Variants in TRHDE observed in about 807,000 individuals in gnomAD.
TRHDE encodes the protein thyrotropin releasing hormone degrading enzyme.
A neutral mutation model predicts 125.7 loss-of-function variants in TRHDE; 72 were observed. The ratio of observed to expected loss-of-function variants is 0.57; its 90% CI spans 0.47 to 0.70. The LOEUF is 0.70. Among genes scored for constraint, TRHDE ranks in the 30% least tolerant of loss-of-function variants. The pLI is 0.00. For synonymous variants in TRHDE, 509 were observed against 509.1 expected (o/e 1.00, Z 0.00); for missense variants, 1,110 against 1,327.1 (o/e 0.84, Z 2.54).
intron 3 of TRHDE, among the ~76,000 whole-genome samples, chr12:72,439,281 A>T (rs1874888319): frequency 1.3e-5 from 2 of 151,638 alleles, no homozygotes; most frequent in South Asian, 4.1e-4. Flanking sequence ...TTGGCTATTC[A>T]GGGTCTTTTT....
At chr12:72,383,148 A>G (rs1300913607) in intron 3 of TRHDE, among the ~76,000 whole-genome samples, 1 of 152,208 alleles carries the variant, frequency 6.6e-6, no homozygotes, top group African/African-American at 2.4e-5. Context: ...TAAGAGGTGT[A>G]GCACCTACTT....
At chr12:72,643,687 G>C (rs1354389091) in intron 15 of TRHDE, among the ~76,000 whole-genome samples, 6 of 152,044 alleles carry the variant, frequency 3.9e-5, no homozygotes, top group African/African-American at 1.4e-4. Context: ...CATATGACCA[G>C]CTTGCCATAC....
chr12:72,525,691 A>G (rs1033985004), intron 6 of TRHDE, among the ~76,000 whole-genome samples: 1 of 150,302 alleles, frequency 6.7e-6, no homozygotes, highest in African/African-American at 2.5e-5. Context: ...ACTTCTTTTC[A>G]GTATCAGTGA....
At chr12:72,130,928 C>T (rs752075475) in intron 2 of TRHDE, among the ~76,000 whole-genome samples, 1 of 152,110 alleles carries the variant, frequency 6.6e-6, no homozygotes, top group African/African-American at 2.4e-5. Context: ...AAACTGGAGA[C>T]ACCATTTTAT....
In TRHDE at chr12:72,273,577, C is replaced by T; in HGVS notation, c.914+20C>T. The T allele has an allele frequency of 6.4e-7, 1 of 1,559,970 alleles. No homozygotes were observed. The highest frequency in any genetic ancestry group is 8.7e-7 in the Non-Finnish European group (1 of 1,153,746). On this transcript the variant is annotated intron_variant, in intron 1 of 18. Coordinates refer to ENST00000261180, the MANE Select transcript of TRHDE (RefSeq NM_013381.3). The surrounding 1 kb of genome is among the most constrained non-coding windows in gnomAD (Gnocchi z 5.3). ...GAGAAGGTATGGAGGGAGGCGGTGC[C>T]CCGCGCTGCCCCACCCCGGCGCGCG... is the stretch of plus-strand genomic sequence containing the variant.
In TRHDE at chr12:72,473,031, T is replaced by C. The variant is rs1355538194; in HGVS notation, c.1471-36T>C. 8 of 1,473,818 alleles carry C rather than the reference T, an allele frequency of 5.4e-6. No individual in the cohort carries two copies. In the Admixed American group the frequency reaches 6.8e-5, roughly 12 times the overall value. 91.3% of individuals were successfully genotyped at this position (1,473,818 alleles called of 1,614,324 possible). On this transcript the variant is annotated intron_variant, in intron 4 of 18. Coordinates refer to ENST00000261180, the MANE Select transcript of TRHDE (RefSeq NM_013381.3). Reference sequence around the variant, plus strand: ...GATAAAATAGTTTGGGGATAGATTTTATTTTATTTGATGACCATTAATTTT... The same window carrying C: ...GATAAAATAGTTTGGGGATAGATTTCATTTTATTTGATGACCATTAATTTT...
Position 72,667,491 on chromosome 12 carries a change from A to C in TRHDE, c.*4296A>C. The C allele has an allele frequency of 6.6e-6, 1 of 151,704 alleles. No homozygotes were observed. Among genetic ancestry groups the C allele is most frequent in the East Asian group, 1.9e-4 (1 of 5,152 alleles). 9.4% of individuals were successfully genotyped at this position (151,704 alleles called of 1,614,324 possible). ...GCATCTTTTATTTCACAAGGCACTT[A>C]GTGAGGGAAAGGAATACAGAGATGA... On this transcript the variant is annotated 3_prime_UTR_variant, in exon 19 of 19. Transcript: ENST00000261180.
chr12:72,440,081 A>G (rs1038626951), intron 3 of TRHDE, among the ~76,000 whole-genome samples: 2 of 151,962 alleles, frequency 1.3e-5, no homozygotes, highest in African/African-American at 4.8e-5. Flanking sequence ...ATGTATGTTG[A>G]ATCATACTTG....
chr12:72,421,265 C>T (rs916272924), intron 3 of TRHDE, among the ~76,000 whole-genome samples: 13 of 152,122 alleles, frequency 8.5e-5, no homozygotes, highest in African/African-American at 3.1e-4. Context: ...TAAGGCTTCA[C>T]TTGGGAGATC....
chr12:72,364,906 A>G (rs938298330), intron 2 of TRHDE, among the ~76,000 whole-genome samples: 2 of 152,068 alleles, frequency 1.3e-5, no homozygotes, highest in Admixed American at 1.3e-4. Context: ...CTTAATAAGG[A>G]CATTCTCTAA....
At chr12:72,386,260 A>G (rs908857340) in intron 3 of TRHDE, among the ~76,000 whole-genome samples, 2 of 152,220 alleles carry the variant, frequency 1.3e-5, no homozygotes, top group Non-Finnish European at 2.9e-5. Context: ...ATTGTTTTAC[A>G]TAATCCAACA....
In TRHDE at chr12:72,245,786, T is replaced by C. The variant is rs116274973; in HGVS notation, n.280-132209T>C. Reference sequence around the variant, plus strand: ...ATATACACACACATATATATATACATATTCAATATATTTTTCCCACATCAT... The same window carrying C: ...ATATACACACACATATATATATACACATTCAATATATTTTTCCCACATCAT... On this transcript the variant is annotated intron_variant and non_coding_transcript_variant, in intron 2 of 4. Coordinates refer to the TRHDE transcript ENST00000548156. Among the ~76,000 whole-genome samples the C allele has an allele frequency of 2.6e-3, 399 of 152,164 alleles. 3 individuals are homozygous for C. Among genetic ancestry groups the C allele is most frequent in the African/African-American group, 9.3e-3 (384 of 41,496 alleles).
At chr12:72,392,439 C>T (rs1872643698) in intron 3 of TRHDE, among the ~76,000 whole-genome samples, 1 of 152,104 alleles carries the variant, frequency 6.6e-6, no homozygotes, top group South Asian at 2.1e-4. Flanking sequence ...GTCATCCCTC[C>T]TTCTGATTTA....
intron 2 of TRHDE, among the ~76,000 whole-genome samples, chr12:72,323,258 A>G (rs1002270941): frequency 2.0e-5 from 3 of 152,162 alleles, no homozygotes; most frequent in Non-Finnish European, 2.9e-5. Flanking sequence ...CCTATTGAGC[A>G]GTGGTTTTCC....
chr12:72,429,191 TTGG>T (rs1414537993), intron 3 of TRHDE, among the ~76,000 whole-genome samples: 1 of 151,740 alleles, frequency 6.6e-6, no homozygotes, highest in Non-Finnish European at 1.5e-5. Flanking sequence ...CCAGGGCCTG[TTGG>T]TGGGTCAGGG....
At chr12:72,160,188 C>T (rs1876604278) in intron 2 of TRHDE, among the ~76,000 whole-genome samples, 1 of 152,150 alleles carries the variant, frequency 6.6e-6, no homozygotes, top group African/African-American at 2.4e-5. Context: ...TTCTTGGCTG[C>T]CCTCCCTGCC....
chr12:72,614,330 A>ATATATATATATATT (rs531067163), intron 12 of TRHDE, among the ~76,000 whole-genome samples: 89 of 129,832 alleles, frequency 6.9e-4, no homozygotes, highest in African/African-American at 1.7e-3. Context: ...ATATATATAT[A>ATATATATATATATT]TTTTTTTTTT....
chr12:72,118,657 C>T (rs1259345427), intron 2 of TRHDE, among the ~76,000 whole-genome samples: 1 of 152,026 alleles, frequency 6.6e-6, no homozygotes, highest in Non-Finnish European at 1.5e-5. Flanking sequence ...TGGTAAAATC[C>T]ATCAGTGGAG....
intron 2 of TRHDE, among the ~76,000 whole-genome samples, chr12:72,317,680 C>T (rs1034242910): frequency 6.6e-6 from 1 of 152,026 alleles, no homozygotes; most frequent in Non-Finnish European, 1.5e-5. Flanking sequence ...GGGACATAAA[C>T]ATTTAAACAT....
Sources: gnomAD v4.1 joint callset for allele counts (sites outside exome capture counted in the v4.1 genomes callset) on GRCh38, gnomAD v4.1.1 for gene constraint, Gnocchi (gnomAD v3.1) non-coding constraint, MANE v1.5 for transcripts, NCBI Gene and HGNC (gene_info 2026-07-23, HGNC 2026-07-21) for gene names.